ATXN7L1: variants seen among roughly 807,000 people sequenced by gnomAD.
The protein encoded by ATXN7L1 is ataxin 7 like 1.
ATXN7L1 carries 15 observed loss-of-function variants against 70.8 expected under a neutral mutation model. The observed-to-expected ratio is 0.21, with a 90% CI of 0.14 to 0.33. The LOEUF (loss-of-function observed/expected upper bound fraction) is 0.33, where lower values mean the gene tolerates loss of function less well. Ranked by LOEUF, ATXN7L1 falls within the 10% of genes least tolerant of loss-of-function variation. ATXN7L1 has a pLI of 1.00. For missense variants in ATXN7L1, 975 were observed against 1,097.1 expected, an observed-to-expected ratio of 0.89 and a Z score of 1.57; for synonymous variants, 440 against 445.1, an observed-to-expected ratio of 0.99 and a Z score of 0.14.
At chr7:105,746,307 G>T (rs1798583902) in intron 3 of ATXN7L1, among the ~76,000 whole-genome samples, 1 of 152,106 alleles carries the variant, frequency 6.6e-6, no homozygotes, top group Non-Finnish European at 1.5e-5. Flanking sequence ...ACCATCCAAG[G>T]GCTTCTGTGT....
rs569042084 is a variant in ATXN7L1 at position 105,769,556 on chromosome 7, G to A, written c.355+19048C>T. Among the ~76,000 whole-genome samples the A allele has an allele frequency of 3.9e-5, 6 of 152,244 alleles. No homozygotes were observed. The East Asian group carries it at 5.8e-4, about 15-fold the overall frequency. On this transcript the variant is annotated intron_variant, in intron 3 of 11. Transcript: ENST00000419735. Reference sequence around the variant, plus strand: ...TTTGTTGGTGGGAAGGAATGGGGGCGAAGACGGGAAATTTCTGGAAGCCTG... The same window carrying A: ...TTTGTTGGTGGGAAGGAATGGGGGCAAAGACGGGAAATTTCTGGAAGCCTG...
intron 3 of ATXN7L1, among the ~76,000 whole-genome samples, chr7:105,692,630 A>G (rs1449544576): frequency 6.6e-6 from 1 of 151,968 alleles, no homozygotes; most frequent in Non-Finnish European, 1.5e-5. Context: ...TATTTTTGGT[A>G]GAGATGGAGT....
chr7:105,773,083 A>G (rs1051036240), intron 3 of ATXN7L1, among the ~76,000 whole-genome samples: 39 of 152,228 alleles, frequency 2.6e-4, no homozygotes, highest in Non-Finnish European at 1.6e-4. Context: ...GAAAACTAAA[A>G]TCACATTCCT....
intron 2 of ATXN7L1, among the ~76,000 whole-genome samples, chr7:105,872,046 G>A (rs368413597): frequency 6.6e-6 from 1 of 151,296 alleles, no homozygotes; most frequent in Non-Finnish European, 1.5e-5. Context: ...AGGCTGGAGT[G>A]CAGTGGTGCG....
intron 2 of ATXN7L1, among the ~76,000 whole-genome samples, chr7:105,834,904 C>T (rs1812138710): frequency 1.3e-5 from 2 of 152,078 alleles, no homozygotes; most frequent in South Asian, 4.1e-4. Flanking sequence ...CAGCCAAAAC[C>T]AGGGTCTTTC....
At chr7:105,871,141 T>C (rs1818210010) in intron 2 of ATXN7L1, among the ~76,000 whole-genome samples, 1 of 148,934 alleles carries the variant, frequency 6.7e-6, no homozygotes, top group African/African-American at 2.5e-5. Context: ...TATAACTGCA[T>C]CTCAAAGGAA....
At chr7:105,816,380 A>G (rs1809197294) in intron 2 of ATXN7L1, among the ~76,000 whole-genome samples, 1 of 152,198 alleles carries the variant, frequency 6.6e-6, no homozygotes, top group Admixed American at 6.5e-5. Flanking sequence ...TGAAACTGAA[A>G]TTTTTATAGA....
At chr7:105,729,365 G>T (rs1429974244) in intron 3 of ATXN7L1, among the ~76,000 whole-genome samples, 1 of 149,808 alleles carries the variant, frequency 6.7e-6, no homozygotes, top group African/African-American at 2.4e-5. Context: ...TTTCCTTGCA[G>T]AAAAATTCCA....
At chr7:105,839,693 T>C (rs935297668) in intron 2 of ATXN7L1, among the ~76,000 whole-genome samples, 5 of 152,136 alleles carry the variant, frequency 3.3e-5, no homozygotes, top group African/African-American at 9.7e-5. Flanking sequence ...CAGAGAGGAC[T>C]GATGAGTATC....
intron 4 of ATXN7L1, among the ~76,000 whole-genome samples, chr7:105,658,798 T>G (rs935804022): frequency 6.6e-6 from 1 of 152,152 alleles, no homozygotes; most frequent in Non-Finnish European, 1.5e-5. Context: ...CTTCCCAAAG[T>G]GTTGGGATTA....
intron 4 of ATXN7L1, among the ~76,000 whole-genome samples, chr7:105,648,108 T>C (rs1799325108): frequency 6.6e-6 from 1 of 152,206 alleles, no homozygotes; most frequent in Non-Finnish European, 1.5e-5. Flanking sequence ...GGTAAGGGGC[T>C]GGGCCACTGA....
intron 3 of ATXN7L1, chr7:105,760,273 T>TA (rs1407694009): frequency 1.7e-5 from 17 of 972,068 alleles, no homozygotes; most frequent in South Asian, 9.5e-5. Context: ...GTTTTACAGT[T>TA]AAAAAAATGC....
chr7:105,733,624 AT>A lies in ATXN7L1; in HGVS notation c.355+54979del, dbSNP rs1257824054. ...CATCCACCCATCCATCCATCCATCC[AT>A]CCATCCACCCATCCATCCATCCATC... On this transcript the variant is annotated intron_variant, in intron 3 of 11. Coordinates refer to ENST00000419735, the MANE Select transcript of ATXN7L1 (RefSeq NM_020725.2). 3.7e-4 allele frequency among the ~76,000 whole-genome samples: 51 copies of A among 138,670 alleles called. 1 individual carries two copies. Among genetic ancestry groups the A allele is most frequent in the Non-Finnish European group, 7.1e-4 (45 of 63,822 alleles). 91.0% of individuals were successfully genotyped at this position (138,670 alleles called of 152,430 possible). A position where few individuals can be genotyped will look rare whatever the true frequency, so the allele number is the denominator to read the frequency against.
intron 3 of ATXN7L1, among the ~76,000 whole-genome samples, chr7:105,758,828 A>C (rs1318007368): frequency 1.3e-5 from 2 of 152,212 alleles, no homozygotes; most frequent in Non-Finnish European, 2.9e-5. Context: ...GTTCATAGGA[A>C]ACCACTCTGC....
chr7:105,608,116 C>G (rs1241406452), intron 11 of ATXN7L1, among the ~76,000 whole-genome samples: 1 of 152,206 alleles, frequency 6.6e-6, no homozygotes, highest in African/African-American at 2.4e-5. Flanking sequence ...CAGAGGTCCT[C>G]ACTGTGGAGG....
At chr7:105,651,897 C>CT (rs1159084372) in intron 4 of ATXN7L1, among the ~76,000 whole-genome samples, 1 of 152,188 alleles carries the variant, frequency 6.6e-6, no homozygotes, top group Non-Finnish European at 1.5e-5. Flanking sequence ...ATAAGCCCCC[C>CT]TCTAGGCTGC....
intron 2 of ATXN7L1, among the ~76,000 whole-genome samples, chr7:105,874,584 T>C (rs1489873854): frequency 6.6e-6 from 1 of 152,244 alleles, no homozygotes; most frequent in Non-Finnish European, 1.5e-5. Context: ...AATAATGTTT[T>C]GTTCCCAAAG....
At chr7:105,664,575 G>GTGTATGTATGTATATGTATATATATA in intron 4 of ATXN7L1, among the ~76,000 whole-genome samples, 2 of 131,990 alleles carry the variant, frequency 1.5e-5, no homozygotes, top group African/African-American at 5.7e-5. Flanking sequence ...GTATGTGTGT[G>GTGTATGTATGTATATGTATATATATA]TATATATATA....
chr7:105,833,951 A>T (rs1432177597), intron 2 of ATXN7L1, among the ~76,000 whole-genome samples: 1 of 152,254 alleles, frequency 6.6e-6, no homozygotes. Flanking sequence ...GTTGGGAAAA[A>T]TTAATTCGGA....
Sources: gnomAD v4.1 joint callset for allele counts (sites outside exome capture counted in the v4.1 genomes callset) on GRCh38, gnomAD v4.1.1 for gene constraint, MANE v1.5 for transcripts, NCBI Gene and HGNC (gene_info 2026-07-23, HGNC 2026-07-21) for gene names.